The following GABBR2 variants were observed in gnomAD, a reference collection of about 807,000 sequenced individuals.
GABBR2 encodes gamma-aminobutyric acid type B receptor subunit 2.
A neutral mutation model predicts 105.6 loss-of-function variants in GABBR2; 23 were observed. That is an observed-to-expected ratio of 0.22 (90% CI 0.16 to 0.31). GABBR2 has a LOEUF of 0.31. GABBR2 is among the 10% of genes least tolerant of loss of function. GABBR2 has a pLI of 1.00. For synonymous variants in GABBR2, 478 were observed against 499.7 expected, an observed-to-expected ratio of 0.96 and a Z score of 0.58; for missense variants, 734 against 1,245.5, an observed-to-expected ratio of 0.59 and a Z score of 6.18.
At chr9:98,697,777 G>A (rs926485177) in intron 1 of GABBR2, among the ~76,000 whole-genome samples, 1 of 152,192 alleles carries the variant, frequency 6.6e-6, no homozygotes, top group Non-Finnish European at 1.5e-5. Context: ...GGGCTCCAGA[G>A]GATGCTTTGT....
intron 3 of GABBR2, chr9:98,538,497 G>T: frequency 2.1e-6 from 1 of 468,436 alleles, no homozygotes; most frequent in Non-Finnish European, 2.8e-6. Context: ...CTAGAGATCA[G>T]TACCTCAGAC....
Position 98,513,720 on chromosome 9 carries a change from C to A in GABBR2, c.631-17206G>T, listed in dbSNP as rs532240046. Among the ~76,000 whole-genome samples, 3 of 152,244 alleles carry A rather than the reference C, an allele frequency of 2.0e-5. No individual in the cohort carries two copies. The East Asian group carries it at 5.8e-4, about 29-fold the overall frequency. On this transcript the variant is annotated intron_variant, in intron 3 of 18. Coordinates refer to ENST00000259455, the MANE Select transcript of GABBR2 (RefSeq NM_005458.8). ...AACCACAATGAGATACCATCTCACACCAGTTAGAATGGCGATCATTAAAAA... is the reference window on the plus strand; with the variant it reads ...AACCACAATGAGATACCATCTCACAACAGTTAGAATGGCGATCATTAAAAA...
At chr9:98,346,780 A>G (rs1418515400) in intron 13 of GABBR2, among the ~76,000 whole-genome samples, 1 of 151,574 alleles carries the variant, frequency 6.6e-6, no homozygotes, top group Non-Finnish European at 1.5e-5. Flanking sequence ...CTCTTCTTCC[A>G]TGAGCTCAGT....
rs1177737981 is a variant in GABBR2, at chr9:98,388,616, CCT to C, written c.1529+236_1529+237del. Among the ~76,000 whole-genome samples, 1 of 130,942 alleles carries C rather than the reference CCT, an allele frequency of 7.6e-6. No homozygotes were observed. 85.9% of individuals were successfully genotyped at this position (130,942 alleles called of 152,430 possible). On this transcript the variant is annotated intron_variant, in intron 10 of 18. Coordinates refer to ENST00000259455, the MANE Select transcript of GABBR2 (RefSeq NM_005458.8). The surrounding 1 kb of genome is among the most constrained non-coding windows in gnomAD (Gnocchi z 4.4). The stretch of plus-strand genomic sequence containing the variant: ...AACTCCTGTGCAACCAGCAGCCTGG[CCT>C]CTGTGTGTGTGTGTGTGTGTGTGTG...
intron 2 of GABBR2, among the ~76,000 whole-genome samples, chr9:98,566,442 G>A (rs1335510722): frequency 6.6e-6 from 1 of 152,096 alleles, no homozygotes; most frequent in African/African-American, 2.4e-5. Context: ...TTGGAAGGCC[G>A]AGGCGGGCGG....
chr9:98,461,352 T>C (rs1210532595), intron 6 of GABBR2, among the ~76,000 whole-genome samples: 1 of 152,138 alleles, frequency 6.6e-6, no homozygotes. Flanking sequence ...GTGATATTGA[T>C]TAAAAGATAG....
chr9:98,670,712 A>G (rs773427860), intron 1 of GABBR2, among the ~76,000 whole-genome samples: 2 of 152,266 alleles, frequency 1.3e-5, no homozygotes, highest in Non-Finnish European at 2.9e-5. Context: ...GTTGTATTAA[A>G]TGAAAGAAGT....
At chr9:98,627,718 C>G (rs1829759824) in intron 1 of GABBR2, among the ~76,000 whole-genome samples, 1 of 152,222 alleles carries the variant, frequency 6.6e-6, no homozygotes, top group Non-Finnish European at 1.5e-5. Context: ...AGCCCTATGG[C>G]CATTCTCCTC....
At chr9:98,471,335 C>T (rs558410427) in intron 6 of GABBR2, among the ~76,000 whole-genome samples, 1 of 152,310 alleles carries the variant, frequency 6.6e-6, no homozygotes, top group East Asian at 1.9e-4. Context: ...GTGAGGTGAA[C>T]AGTCCCAAGG....
At chr9:98,469,402 C>T (rs1036165997) in intron 6 of GABBR2, among the ~76,000 whole-genome samples, 1 of 152,186 alleles carries the variant, frequency 6.6e-6, no homozygotes, top group Non-Finnish European at 1.5e-5. Context: ...CACCAGGTCC[C>T]TCCCCTGACA....
rs990511532 is a variant in GABBR2 at position 98,385,642 on chromosome 9, T to C, written c.1660A>G (p.Thr554Ala). 1 of 1,613,388 alleles carries C rather than the reference T, an allele frequency of 6.2e-7. No individual in the cohort carries two copies. The highest frequency in any genetic ancestry group is 8.5e-7 in the Non-Finnish European group (1 of 1,179,378). The change falls in exon 11 of 19, where the codon ACC becomes GCC. Residue 554 changes from threonine (T) to alanine (A), a missense_variant and splice_region_variant. Coordinates refer to ENST00000259455, the MANE Select transcript of GABBR2 (RefSeq NM_005458.8). The part of the protein sequence containing the change: ...VSEKTFETLC[T>A]VRTWILTVGY... ...CTGGCTTATGCAGAATGACTTACGG[T>C]GCAAAGTGTTTCAAAGGTCTTTTCA...
intron 10 of GABBR2, among the ~76,000 whole-genome samples, chr9:98,386,150 C>T (rs1832068311): frequency 1.3e-5 from 2 of 151,868 alleles, no homozygotes; most frequent in African/African-American, 4.8e-5. Flanking sequence ...CAAGGGACAG[C>T]TTGTCACATC....
intron 1 of GABBR2, among the ~76,000 whole-genome samples, chr9:98,697,141 G>T (rs1830763034): frequency 6.6e-6 from 1 of 152,224 alleles, no homozygotes; most frequent in Non-Finnish European, 1.5e-5. Flanking sequence ...TTGGTTGGTT[G>T]TGATGTTAAA....
intron 5 of GABBR2, among the ~76,000 whole-genome samples, chr9:98,479,813 C>T (rs1447333948): frequency 6.6e-6 from 1 of 152,172 alleles, no homozygotes; most frequent in African/African-American, 2.4e-5. Context: ...ACCTTAGTTG[C>T]CAGACCCGGT....
chr9:98,372,171 T>C (rs1831795589), intron 11 of GABBR2, among the ~76,000 whole-genome samples: 1 of 152,186 alleles, frequency 6.6e-6, no homozygotes, highest in Non-Finnish European at 1.5e-5. Context: ...CAGCCGGCCC[T>C]GACAGGAGCC....
intron 1 of GABBR2, among the ~76,000 whole-genome samples, chr9:98,652,952 G>T (rs910534299): frequency 2.0e-5 from 3 of 152,202 alleles, no homozygotes; most frequent in African/African-American, 7.2e-5. Flanking sequence ...TCATTGGTGT[G>T]GGTGGCCTCA....
chr9:98,628,590 A>G (rs1311568023), intron 1 of GABBR2, among the ~76,000 whole-genome samples: 1 of 151,988 alleles, frequency 6.6e-6, no homozygotes, highest in Non-Finnish European at 1.5e-5. Context: ...AAGCTTTTCT[A>G]TTAGCTACGC....
At chr9:98,350,977 AT>A (rs1831389008) in intron 13 of GABBR2, among the ~76,000 whole-genome samples, 1 of 151,988 alleles carries the variant, frequency 6.6e-6, no homozygotes, top group East Asian at 1.9e-4. Flanking sequence ...TCCCTTTATC[AT>A]TATGTCATGT....
At chr9:98,550,773 C>T (rs1828474080) in intron 2 of GABBR2, among the ~76,000 whole-genome samples, 1 of 152,166 alleles carries the variant, frequency 6.6e-6, no homozygotes, top group South Asian at 2.1e-4. Context: ...TGTAAAAGAA[C>T]TTTGTGGACT....
Sources: allele counts gnomAD v4.1 joint callset (sites outside exome capture counted in the v4.1 genomes callset), GRCh38; gene constraint gnomAD v4.1.1; non-coding constraint Gnocchi (gnomAD v3.1); transcripts MANE v1.5; gene names NCBI Gene and HGNC (gene_info 2026-07-23, HGNC 2026-07-21).